The following IGLL5 variants were observed in gnomAD, a reference collection of about 807,000 sequenced individuals.
The protein encoded by IGLL5 is immunoglobulin lambda-like polypeptide 5.
IGLL5 carries 30 observed loss-of-function variants against 20.9 expected under a neutral mutation model. The observed-to-expected ratio is 1.44, with a 90% CI of 1.07 to 1.95. The LOEUF is 1.95. Ranked by LOEUF, IGLL5 falls within the 30% of genes most tolerant of loss-of-function variation. The pLI is 0.00. For missense variants in IGLL5, 475 were observed against 270.7 expected (o/e 1.75, Z -5.30); for synonymous variants, 203 against 117.3 (o/e 1.73, Z -4.72).
chr22:22,888,572 C>T (rs2067617025), intron 1 of IGLL5, among the ~76,000 whole-genome samples: 1 of 151,372 alleles, frequency 6.6e-6, no homozygotes, highest in African/African-American at 2.4e-5. Context: ...GAGGCAGGGA[C>T]AGGACATCCA....
At chr22:22,890,122 T>G (rs541386138) in intron 1 of IGLL5, among the ~76,000 whole-genome samples, 1 of 150,486 alleles carries the variant, frequency 6.6e-6, no homozygotes, top group South Asian at 2.1e-4. Flanking sequence ...AATGAGTATA[T>G]TACAAAATGT....
intron 1 of IGLL5, among the ~76,000 whole-genome samples, chr22:22,888,541 C>A (rs909239186): frequency 6.6e-6 from 1 of 151,294 alleles, no homozygotes; most frequent in East Asian, 2.0e-4. Context: ...TAGTCCTAGT[C>A]CTCTGGGTAG....
chr22:22,894,359 A>T (rs527439062), intron 2 of IGLL5, among the ~76,000 whole-genome samples: 2 of 151,404 alleles, frequency 1.3e-5, no homozygotes, highest in South Asian at 2.1e-4. Flanking sequence ...CTCTGGGTCT[A>T]GGCTGCAGCT....
chr22:22,888,198 G>A lies in IGLL5; in HGVS notation c.145G>A (p.Asp49Asn), dbSNP rs1257050555. The change falls in exon 1 of 3, where the codon GAC (aspartate) becomes AAC (asparagine). Residue 49 changes from aspartate (D) to asparagine (N), a missense_variant. Physicochemically the swap from Asp to Asn is conservative, Grantham distance 23 (BLOSUM62 1). Coordinates refer to ENST00000526893, the MANE Select transcript of IGLL5 (RefSeq NM_001178126.2). ...LRPMVAPQSG[D>N]PDPGASVGSS... ...CCCAATGGTTGCACCGCAAAGCGGGGACCCAGACCCTGGAGCCTCAGTTGG... is the reference window on the plus strand; with the variant it reads ...CCCAATGGTTGCACCGCAAAGCGGGAACCCAGACCCTGGAGCCTCAGTTGG... 4 of 1,548,772 alleles carry A rather than the reference G, an allele frequency of 2.6e-6. No individual in the cohort carries two copies. Among genetic ancestry groups the A allele is most frequent in the African/African-American group, 1.4e-5 (1 of 72,890 alleles).
At chr22:22,892,832 G>A (rs1478843144) in intron 1 of IGLL5, among the ~76,000 whole-genome samples, 3 of 151,116 alleles carry the variant, frequency 2.0e-5, no homozygotes, top group African/African-American at 7.3e-5. Context: ...GGGGATCTGG[G>A]AGTCAGCAGT....
In IGLL5 at chr22:22,888,350, G is replaced by C. The variant is rs117262779; in HGVS notation, c.206+91G>C. The stretch of plus-strand genomic sequence containing the variant: ...GGGAGACAAGCCAGAGGAGTGAGGA[G>C]GAAGGTTAACCCCTAAGAGGGGCCT... On this transcript the variant is annotated intron_variant, in intron 1 of 2. Coordinates refer to ENST00000526893, the MANE Select transcript of IGLL5 (RefSeq NM_001178126.2). 1.6e-5 allele frequency: 20 copies of C among 1,260,080 alleles called. 3 individuals carry two copies. Among genetic ancestry groups the C allele is most frequent in the Middle Eastern group, 2.8e-4 (1 of 3,588 alleles). The allele number at this position is 1,260,080 out of a possible 1,614,324, so 78.1% of individuals were successfully genotyped here.
rs544159503 is a variant in IGLL5, at chr22:22,888,160, A to T, written c.107A>T (p.His36Leu). 1.9e-6 allele frequency: 3 copies of T among 1,549,190 alleles called. No individual in the cohort carries two copies. Among genetic ancestry groups the T allele is most frequent in the African/African-American group, 1.4e-5 (1 of 72,904 alleles). ...LLLLGLAMVA[H>L]GLLRPMVAPQ... ...CTGCTGGGTCTGGCCATGGTCGCCC[A>T]TGGCCTGCTGCGCCCAATGGTTGCA... The change falls in exon 1 of 3, where the codon CAT (histidine) becomes CTT (leucine). Residue 36 changes from histidine to leucine, a missense_variant. By Grantham distance (99) the His-to-Leu change is moderately conservative. Transcript: ENST00000526893.
intron 2 of IGLL5, among the ~76,000 whole-genome samples, chr22:22,894,323 G>C (rs540401458): frequency 1.3e-5 from 2 of 151,478 alleles, no homozygotes; most frequent in African/African-American, 2.4e-5. Context: ...ACCCCAAGGG[G>C]AGACCAATGG....
intron 1 of IGLL5, among the ~76,000 whole-genome samples, chr22:22,892,113 A>G (rs950213363): frequency 4.0e-5 from 6 of 151,284 alleles, no homozygotes; most frequent in African/African-American, 1.5e-4. Context: ...GCCTTTAAAT[A>G]TGAAGGTTGC....
At chr22:22,894,283 A>G (rs1212299013) in intron 2 of IGLL5, among the ~76,000 whole-genome samples, 6 of 151,060 alleles carry the variant, frequency 4.0e-5, no homozygotes, top group Admixed American at 1.3e-4. Flanking sequence ...CCAGCCTGGG[A>G]GGGCCACACG....
chr22:22,894,435 C>A (rs552839902), intron 2 of IGLL5, among the ~76,000 whole-genome samples: 3 of 151,436 alleles, frequency 2.0e-5, no homozygotes, highest in Middle Eastern at 3.7e-3. Context: ...GGGTGAGGTG[C>A]CAGAATCCAA....
rs771808845 is a variant in IGLL5 at position 22,888,063 on chromosome 22, A to C, written c.10A>C (p.Lys4Gln). MRP[K>Q]TGQVGCETPE... Reference sequence around the variant, plus strand: ...CTGAACCTGAAGGCCAATGAGACCCAAGACAGGCCAAGTGGGTTGTGAGAC... The same window carrying C: ...CTGAACCTGAAGGCCAATGAGACCCCAGACAGGCCAAGTGGGTTGTGAGAC... Residue 4 changes from lysine (K) to glutamine (Q), a missense_variant, in exon 1 of 3, where the codon AAG becomes CAG. Lys to Gln is a moderately conservative substitution (Grantham distance 53, BLOSUM62 1). Coordinates refer to ENST00000526893, the MANE Select transcript of IGLL5 (RefSeq NM_001178126.2). The C allele has an allele frequency of 3.2e-6, 5 of 1,549,150 alleles. 1 individual carries two copies. Among genetic ancestry groups the C allele is most frequent in the Non-Finnish European group, 4.4e-6 (5 of 1,146,490 alleles).
At chr22:22,889,499 A>T (rs2067726465) in intron 1 of IGLL5, among the ~76,000 whole-genome samples, 2 of 151,296 alleles carry the variant, frequency 1.3e-5, no homozygotes, top group Admixed American at 6.6e-5. Context: ...AAGGGTGGTT[A>T]GCTCAGCATT....
At chr22:22,894,055 G>A (rs1601623048) in intron 2 of IGLL5, among the ~76,000 whole-genome samples, 7 of 151,464 alleles carry the variant, frequency 4.6e-5, no homozygotes, top group South Asian at 4.2e-4. Flanking sequence ...GATTGGGCAG[G>A]GTCAGGGCTC....
chr22:22,888,908 A>G (rs1601604909), intron 1 of IGLL5, among the ~76,000 whole-genome samples: 2 of 151,300 alleles, frequency 1.3e-5, no homozygotes, highest in East Asian at 2.0e-4. Flanking sequence ...TCACAGATCG[A>G]GGGGCACTGG....
Position 22,888,276 on chromosome 22 carries a change from T to A in IGLL5, c.206+17T>A. 1.3e-6 allele frequency: 2 copies of A among 1,545,578 alleles called. No individual in the cohort carries two copies. Among genetic ancestry groups the A allele is most frequent in the Non-Finnish European group, 1.7e-6 (2 of 1,145,274 alleles). On this transcript the variant is annotated intron_variant, in intron 1 of 2. Coordinates refer to ENST00000526893, the MANE Select transcript of IGLL5 (RefSeq NM_001178126.2). ...GTGGGGCAGGTAAGGGGCAAGAGAT[T>A]CCAGGGGATGTGGGGGTCCTGCAGC...
At position 22,888,142 on chromosome 22, in the gene IGLL5, G is replaced by A. The variant is rs1300280544; in HGVS notation, c.89G>A (p.Gly30Asp). ...PRQRWPLLLL[G>D]LAMVAHGLLR... ...CAGCGCTGGCCCCTGCTGCTGCTGG[G>A]TCTGGCCATGGTCGCCCATGGCCTG... The change falls in exon 1 of 3, where the codon GGT becomes GAT. Residue 30 changes from glycine to aspartate, a missense_variant. Transcript: ENST00000526893. 4 of 1,549,604 alleles carry A rather than the reference G, an allele frequency of 2.6e-6. No homozygotes were observed. Among genetic ancestry groups the A allele is most frequent in the African/African-American group, 1.4e-5 (1 of 72,834 alleles).
intron 1 of IGLL5, among the ~76,000 whole-genome samples, chr22:22,890,826 G>A (rs1450776700): frequency 6.6e-6 from 1 of 150,892 alleles, no homozygotes; most frequent in Non-Finnish European, 1.5e-5. Flanking sequence ...AATTGAATGT[G>A]TTTATGGTTT....
At chr22:22,894,741 T>A (rs2066691345) in intron 2 of IGLL5, among the ~76,000 whole-genome samples, 2 of 150,908 alleles carry the variant, frequency 1.3e-5, no homozygotes, top group African/African-American at 4.9e-5. Flanking sequence ...AGGTGAAGGG[T>A]TCTGTGGTCG....
Sources: gnomAD v4.1 joint callset for allele counts (sites outside exome capture counted in the v4.1 genomes callset) on GRCh38, gnomAD v4.1.1 for gene constraint, MANE v1.5 for transcripts, NCBI Gene and HGNC (gene_info 2026-07-23, HGNC 2026-07-21) for gene names.